TRIM35: variants seen among roughly 807,000 people sequenced by gnomAD.
The protein encoded by TRIM35 is tripartite motif containing 35.
In TRIM35, 37 loss-of-function variants were observed where a neutral mutation model predicts 49.1. The observed-to-expected ratio is 0.75, with a 90% CI of 0.58 to 0.99. The LOEUF (loss-of-function observed/expected upper bound fraction) is 0.99. Ranked by LOEUF, TRIM35 falls within the 50% of genes least tolerant of loss-of-function variation. TRIM35 has a pLI of 0.00. For missense variants in TRIM35, 648 were observed against 702.7 expected, an observed-to-expected ratio of 0.92 and a Z score of 0.88; for synonymous variants, 302 against 289.3, an observed-to-expected ratio of 1.04 and a Z score of -0.45.
intron 4 of TRIM35, 118 bp from the exon 5 acceptor site, chr8:27,289,398 G>T: frequency 1.3e-6 from 1 of 780,476 alleles, no homozygotes; most frequent in Non-Finnish European, 2.1e-6. Flanking sequence ...AAGTTTCCTG[G>T]CCACCTTCTC....
chr8:27,306,525 C>T (rs1364342439), intron 1 of TRIM35, among the ~76,000 whole-genome samples: 2 of 151,988 alleles, frequency 1.3e-5, no homozygotes, highest in South Asian at 2.1e-4. Flanking sequence ...GGGGTTTCAC[C>T]ATACTGGCCA....
chr8:27,286,151 A>G lies in TRIM35; in HGVS notation c.*1399T>C, dbSNP rs2130245826. ...TTAACACTGCTCCTAGGAAAAAAAA[A>G]TATTTCCTTTTATGATGCCACTTCC... On this transcript the variant is annotated 3_prime_UTR_variant, in exon 6 of 6. Coordinates refer to ENST00000305364, the MANE Select transcript of TRIM35 (RefSeq NM_171982.5). The G allele has an allele frequency of 6.6e-6, 3 of 456,300 alleles. No individual in the cohort carries two copies. Among genetic ancestry groups the G allele is most frequent in the South Asian group, 4.6e-5 (3 of 64,572 alleles). 28.3% of individuals were successfully genotyped at this position (456,300 alleles called of 1,614,324 possible).
rs962574601 is a variant in TRIM35 at position 27,287,305 on chromosome 8, G to A, written c.*245C>T. ...GGATTCAGAAAATTCACATTGTGGA[G>A]GTGCCACGACTCGGGAGAGCCTGGC... is the stretch of plus-strand genomic sequence containing the variant. On this transcript the variant is annotated 3_prime_UTR_variant, in exon 6 of 6. Transcript: ENST00000305364. The surrounding 1 kb of genome is among the most constrained non-coding windows in gnomAD (Gnocchi z 6.0). The A allele has an allele frequency of 1.2e-5, 6 of 497,524 alleles. No homozygotes were observed. Among genetic ancestry groups the A allele is most frequent in the Admixed American group, 3.7e-5 (1 of 26,872 alleles). The allele number at this position is 497,524 out of a possible 1,614,324, so 30.8% of individuals were successfully genotyped here. A position where few individuals can be genotyped will look rare whatever the true frequency, so the allele number is the denominator to read the frequency against.
At chr8:27,298,593 G>A in intron 1 of TRIM35, 34 bp from the exon 2 acceptor site, 1 of 1,582,714 alleles carries the variant, frequency 6.3e-7, no homozygotes, top group Non-Finnish European at 8.7e-7. Flanking sequence ...GAGGAAGACA[G>A]GTTAGGGCTG....
intron 3 of TRIM35, among the ~76,000 whole-genome samples, chr8:27,291,381 T>G (rs1325505855): frequency 6.6e-6 from 1 of 152,210 alleles, no homozygotes; most frequent in Non-Finnish European, 1.5e-5. Flanking sequence ...CCTACAAGGA[T>G]GGTTATAATT....
chr8:27,302,298 T>A (rs1027279675), intron 1 of TRIM35, among the ~76,000 whole-genome samples: 1 of 152,220 alleles, frequency 6.6e-6, no homozygotes, highest in African/African-American at 2.4e-5. Context: ...AGTTACTTAA[T>A]GTTCTTTGAT....
At position 27,310,829 on chromosome 8, in the gene TRIM35, G is replaced by A. The variant is rs755591376; in HGVS notation, c.407C>T (p.Pro136Leu). 1.2e-6 allele frequency: 2 copies of A among 1,606,400 alleles called. No homozygotes were observed. Among genetic ancestry groups the A allele is most frequent in the South Asian group, 2.2e-5 (2 of 90,780 alleles). The change falls in exon 1 of 6, where the codon CCG becomes CTG. Residue 136 changes from proline (P) to leucine (L), a missense_variant. Coordinates refer to ENST00000305364, the MANE Select transcript of TRIM35 (RefSeq NM_171982.5). ...DPRHQGHRVQ[P>L]VKDTAHDFRA... ...AAAGTCGTGGGCAGTGTCCTTCACC[G>A]GCTGCACGCGGTGCCCCTGGTGTCG...
intron 2 of TRIM35, among the ~76,000 whole-genome samples, chr8:27,295,371 G>A (rs1802544386): frequency 1.3e-5 from 2 of 152,190 alleles, no homozygotes; most frequent in Non-Finnish European, 2.9e-5. Flanking sequence ...TTCAAAATGT[G>A]TGCTGTGGCA....
At chr8:27,306,801 G>A (rs1267499392) in intron 1 of TRIM35, among the ~76,000 whole-genome samples, 1 of 152,226 alleles carries the variant, frequency 6.6e-6, no homozygotes. Context: ...GGCGGATTAA[G>A]TAGTCACTTG....
At chr8:27,298,074 A>T (rs1802606035) in intron 2 of TRIM35, among the ~76,000 whole-genome samples, 1 of 152,242 alleles carries the variant, frequency 6.6e-6, no homozygotes. Context: ...TTTTACAGAA[A>T]TAACATACTT....
In TRIM35 at chr8:27,288,139, G is replaced by A; in HGVS notation, c.905-12C>T. 1 of 1,591,226 alleles carries A rather than the reference G, an allele frequency of 6.3e-7. No homozygotes were observed. Among genetic ancestry groups the A allele is most frequent in the Non-Finnish European group, 8.5e-7 (1 of 1,172,560 alleles). ...AAAGCTGAAGGGTACTGCAAGCAGA[G>A]GCGGAAATGGGGAATCAGCAAACCT... On this transcript the variant is annotated splice_polypyrimidine_tract_variant and intron_variant, in intron 5 of 5. Transcript: ENST00000305364.
chr8:27,304,287 A>G (rs913978087), intron 1 of TRIM35, among the ~76,000 whole-genome samples: 1 of 152,242 alleles, frequency 6.6e-6, no homozygotes, highest in Non-Finnish European at 1.5e-5. Flanking sequence ...AGGACTTACC[A>G]AAGTGCTAGA....
rs747906732 is a variant in TRIM35 at position 27,311,255 on chromosome 8, G to T, written c.-20C>A. ...CTCCATGGCACGAGCAGCCGGCTCGGGCGCCCGGAACTTTTGCTCCGGCCC... is the reference window on the plus strand; with the variant it reads ...CTCCATGGCACGAGCAGCCGGCTCGTGCGCCCGGAACTTTTGCTCCGGCCC... On this transcript the variant is annotated 5_prime_UTR_variant, in exon 1 of 6. Coordinates refer to ENST00000305364, the MANE Select transcript of TRIM35 (RefSeq NM_171982.5). 6.7e-7 allele frequency: 1 copy of T among 1,484,594 alleles called. No individual in the cohort carries two copies. Among genetic ancestry groups the T allele is most frequent in the Admixed American group, 2.4e-5 (1 of 41,186 alleles). The allele number at this position is 1,484,594 out of a possible 1,614,324, so 92.0% of individuals were successfully genotyped here. A position where few individuals can be genotyped will look rare whatever the true frequency, so the allele number is the denominator to read the frequency against.
At chr8:27,293,209 C>T (rs913224539) in intron 3 of TRIM35, among the ~76,000 whole-genome samples, 2 of 152,086 alleles carry the variant, frequency 1.3e-5, no homozygotes, top group Non-Finnish European at 2.9e-5. Flanking sequence ...AGCGACACCC[C>T]TTCCACAGCA....
Position 27,311,236 on chromosome 8 carries a change from G to A in TRIM35, c.-1C>T, listed in dbSNP as rs756588144. On this transcript the variant is annotated 5_prime_UTR_variant, in exon 1 of 6. Coordinates refer to ENST00000305364, the MANE Select transcript of TRIM35 (RefSeq NM_171982.5). ...GGGACACGTCGGGACTCCGCTCCAT[G>A]GCACGAGCAGCCGGCTCGGGCGCCC... The A allele has an allele frequency of 1.3e-6, 2 of 1,524,880 alleles. No individual in the cohort carries two copies. The highest frequency in any genetic ancestry group is 8.8e-7 in the Non-Finnish European group (1 of 1,134,914). The allele number at this position is 1,524,880 out of a possible 1,614,324, so 94.5% of individuals were successfully genotyped here.
intron 2 of TRIM35, among the ~76,000 whole-genome samples, chr8:27,297,769 G>A (rs1008672731): frequency 1.3e-5 from 2 of 152,202 alleles, no homozygotes; most frequent in Non-Finnish European, 2.9e-5. Context: ...ATGTGTTCTG[G>A]GGAGAAGACT....
In TRIM35 at chr8:27,286,492, A is replaced by G. The variant is rs955970154; in HGVS notation, c.*1058T>C. ...AACCAGAGGAACTTCCTCCACAGCAACTATAACAGGACATCCTCATCCAGT... is the reference window on the plus strand; with the variant it reads ...AACCAGAGGAACTTCCTCCACAGCAGCTATAACAGGACATCCTCATCCAGT... On this transcript the variant is annotated 3_prime_UTR_variant, in exon 6 of 6. Transcript: ENST00000305364. The G allele has an allele frequency of 2.9e-5, 7 of 239,688 alleles. No individual in the cohort carries two copies. The highest frequency in any genetic ancestry group is 3.4e-5 in the Non-Finnish European group (4 of 119,272). 14.8% of individuals were successfully genotyped at this position (239,688 alleles called of 1,614,324 possible).
At position 27,292,570 on chromosome 8, in the gene TRIM35, G is replaced by C. The variant is rs184192792; in HGVS notation, c.762+1510C>G. On this transcript the variant is annotated intron_variant, in intron 3 of 5. Coordinates refer to ENST00000305364, the MANE Select transcript of TRIM35 (RefSeq NM_171982.5). ...AAGGTTACATGTTATATAATTCCAT[G>C]CATTTGAAATGTCTACAACAGGTAA... Among the ~76,000 whole-genome samples the C allele has an allele frequency of 2.3e-4, 35 of 152,344 alleles. No individual in the cohort carries two copies. In the East Asian group the frequency reaches 6.7e-3, roughly 29 times the overall value.
At chr8:27,298,673 A>C in intron 1 of TRIM35, 114 bp from the exon 2 acceptor site, 177 of 844,480 alleles carry the variant, frequency 2.1e-4, no homozygotes, top group Non-Finnish European at 2.9e-4. Context: ...AGTGTAACTC[A>C]ACTGCATTTG....
Sources: gnomAD v4.1 joint callset for allele counts (sites outside exome capture counted in the v4.1 genomes callset) on GRCh38, gnomAD v4.1.1 for gene constraint, Gnocchi (gnomAD v3.1) non-coding constraint, MANE v1.5 for transcripts, NCBI Gene and HGNC (gene_info 2026-07-23, HGNC 2026-07-21) for gene names.